Variants in STPG2 observed in about 807,000 individuals in gnomAD.
STPG2 encodes sperm tail PG-rich repeat containing 2.
STPG2 carries 56 observed loss-of-function variants against 54.2 expected under a neutral mutation model. That is an observed-to-expected ratio of 1.03 (90% CI 0.83 to 1.29). The LOEUF is 1.29. STPG2 is among the 50% of genes most tolerant of loss of function. The probability of loss-of-function intolerance (pLI) is 0.00; values close to 1 mark genes in which losing one functional copy is unlikely to be tolerated. For missense variants in STPG2, 596 were observed against 544.9 expected (o/e 1.09, Z -0.93); for synonymous variants, 200 against 181.8 (o/e 1.10, Z -0.81).
At chr4:98,055,861 A>T (rs1304686675) in intron 5 of STPG2, among the ~76,000 whole-genome samples, 1 of 152,132 alleles carries the variant, frequency 6.6e-6, no homozygotes, top group Admixed American at 6.5e-5. Flanking sequence ...ATGCCTGTTA[A>T]CAGGGCAGTT....
chr4:98,096,861 T>C (rs945165582), intron 5 of STPG2, among the ~76,000 whole-genome samples: 1 of 152,248 alleles, frequency 6.6e-6, no homozygotes, highest in Non-Finnish European at 1.5e-5. Context: ...TATATGCCAG[T>C]AAATTGGAAA....
intron 5 of STPG2, among the ~76,000 whole-genome samples, chr4:98,087,597 G>C (rs34043080): frequency 0.42 from 56,933 of 136,780 alleles, 11,452 homozygotes; most frequent in Middle Eastern, 0.51. Flanking sequence ...GTCTGGCTCT[G>C]TCGCTCAGGT....
chr4:97,842,604 G>A (rs568821580), intron 8 of STPG2, among the ~76,000 whole-genome samples: 2 of 151,810 alleles, frequency 1.3e-5, no homozygotes, highest in Non-Finnish European at 2.9e-5. Flanking sequence ...TGCCTAGACT[G>A]GATATAATTG....
At chr4:97,940,826 C>G (rs1435501763) in intron 8 of STPG2, among the ~76,000 whole-genome samples, 1 of 152,096 alleles carries the variant, frequency 6.6e-6, no homozygotes, top group Non-Finnish European at 1.5e-5. Flanking sequence ...CAAACTCCTG[C>G]CTCTTGAAGA....
chr4:97,652,531 C>G (rs1722101100), intron 10 of STPG2, among the ~76,000 whole-genome samples: 2 of 151,846 alleles, frequency 1.3e-5, no homozygotes, highest in South Asian at 4.1e-4. Context: ...TTTTATAAAA[C>G]ATGATTTTAA....
intron 4 of STPG2, among the ~76,000 whole-genome samples, chr4:97,495,175 C>G (rs1385945868): frequency 6.6e-6 from 1 of 151,298 alleles, no homozygotes; most frequent in Non-Finnish European, 1.5e-5. Flanking sequence ...CTGGTTGAGT[C>G]CTTTTCATTT....
chr4:97,977,495 A>C (rs990409041), intron 6 of STPG2, among the ~76,000 whole-genome samples: 1 of 152,080 alleles, frequency 6.6e-6, no homozygotes, highest in African/African-American at 2.4e-5. Flanking sequence ...GACCCTTTTG[A>C]TTATTTCAAG....
At chr4:97,555,816 A>G (rs1171559458), downstream of STPG2, among the ~76,000 whole-genome samples, 8 of 152,144 alleles carry the variant, frequency 5.3e-5, no homozygotes, top group Non-Finnish European at 1.2e-4. Flanking sequence ...GGGTAAATAC[A>G]ATAGAAATCT....
At chr4:97,862,931 G>A (rs1439683967) in intron 8 of STPG2, among the ~76,000 whole-genome samples, 1 of 152,050 alleles carries the variant, frequency 6.6e-6, no homozygotes, top group Non-Finnish European at 1.5e-5. Flanking sequence ...AGAATCTCTG[G>A]GACACATTCA....
At chr4:97,496,708 C>A (rs1003297289) in intron 4 of STPG2, among the ~76,000 whole-genome samples, 4 of 151,734 alleles carry the variant, frequency 2.6e-5, no homozygotes, top group African/African-American at 9.7e-5. Flanking sequence ...GAAGGAAGTT[C>A]CCACAGAGCA....
intron 1 of STPG2, 143 bp from the exon 2 acceptor site, chr4:98,134,602 C>A: frequency 2.3e-5 from 8 of 341,990 alleles, no homozygotes; most frequent in South Asian, 1.4e-4. Context: ...GAAGTTATTA[C>A]ATTTTTTAAA....
chr4:97,511,006 T>A (rs1185722600), intron 4 of STPG2, among the ~76,000 whole-genome samples: 2 of 151,716 alleles, frequency 1.3e-5, no homozygotes, highest in African/African-American at 4.8e-5. Context: ...AAAACTGGAA[T>A]AAAAATATTC....
chr4:97,570,711 T>C (rs1357327518), intron 10 of STPG2, among the ~76,000 whole-genome samples: 1 of 152,188 alleles, frequency 6.6e-6, no homozygotes, highest in Non-Finnish European at 1.5e-5. Flanking sequence ...CTACCACTTA[T>C]TAGCCTTCCC....
intron 5 of STPG2, among the ~76,000 whole-genome samples, chr4:98,013,221 G>A (rs1407170830): frequency 6.6e-6 from 1 of 152,168 alleles, no homozygotes; most frequent in East Asian, 1.9e-4. Context: ...TGTGGTTTTT[G>A]TCATTGCTTC....
intron 8 of STPG2, among the ~76,000 whole-genome samples, chr4:97,894,913 TA>T (rs1439985494): frequency 7.2e-5 from 11 of 151,932 alleles, no homozygotes; most frequent in Non-Finnish European, 2.9e-5. Context: ...GAAAAATATT[TA>T]AAAATTAGCA....
intron 8 of STPG2, among the ~76,000 whole-genome samples, chr4:97,940,690 C>T (rs757986273): frequency 2.6e-5 from 4 of 152,178 alleles, no homozygotes; most frequent in Non-Finnish European, 5.9e-5. Flanking sequence ...TTTCATCCTT[C>T]AGCTCCTGTA....
At chr4:97,734,643 T>C (rs1244830446) in intron 9 of STPG2, among the ~76,000 whole-genome samples, 1 of 152,150 alleles carries the variant, frequency 6.6e-6, no homozygotes, top group Non-Finnish European at 1.5e-5. Context: ...CTCCCAAGGA[T>C]AAATCTAAAA....
intron 10 of STPG2, among the ~76,000 whole-genome samples, chr4:97,703,145 T>G (rs760247235): frequency 8.6e-5 from 13 of 152,020 alleles, no homozygotes; most frequent in Non-Finnish European, 1.5e-4. Context: ...GAGCAGTGAA[T>G]CAGGAGTGTC....
intron 4 of STPG2, among the ~76,000 whole-genome samples, chr4:97,512,581 A>G (rs1047690766): frequency 1.3e-5 from 2 of 151,876 alleles, no homozygotes; most frequent in Admixed American, 1.3e-4. Flanking sequence ...AGAGGAGAGA[A>G]GAGGAAAGGG....
Sources: gnomAD v4.1 joint callset for allele counts (sites outside exome capture counted in the v4.1 genomes callset) on GRCh38, gnomAD v4.1.1 for gene constraint, MANE v1.5 for transcripts, NCBI Gene and HGNC (gene_info 2026-07-23, HGNC 2026-07-21) for gene names.